Variants in SNTG1 observed in about 807,000 individuals in gnomAD.
The protein encoded by SNTG1 is syntrophin gamma 1, also known as gamma-1-syntrophin.
Under a neutral mutation model 74.7 loss-of-function variants are expected in SNTG1, and 39 were observed. The observed-to-expected ratio is 0.52, with a 90% CI of 0.40 to 0.68. The LOEUF is 0.68. Among genes scored for constraint, SNTG1 ranks in the 30% least tolerant of loss-of-function variants. The pLI, the probability that SNTG1 is intolerant of heterozygous loss-of-function variation, is 0.00. For missense variants in SNTG1, 685 were observed against 609.5 expected (o/e 1.12, Z -1.30); for synonymous variants, 254 against 217.1 (o/e 1.17, Z -1.49).
intron 1 of SNTG1, among the ~76,000 whole-genome samples, chr8:49,984,188 A>AT (rs778113143): frequency 2.2e-3 from 331 of 151,916 alleles, no homozygotes; most frequent in Non-Finnish European, 4.0e-3. Context: ...GTCAAATATA[A>AT]TTTTTTTATT....
intron 10 of SNTG1, among the ~76,000 whole-genome samples, chr8:50,535,491 C>A (rs573019613): frequency 6.6e-6 from 1 of 152,172 alleles, no homozygotes; most frequent in South Asian, 2.1e-4. Context: ...ACCAGAGAGG[C>A]ATTAAAAGCA....
intron 13 of SNTG1, among the ~76,000 whole-genome samples, chr8:50,649,534 G>A (rs569873403): frequency 6.6e-6 from 1 of 152,086 alleles, no homozygotes; most frequent in Non-Finnish European, 1.5e-5. Flanking sequence ...CACCAGCTGT[G>A]TTGGAGCTTT....
chr8:49,981,589 C>A (rs2082622051), intron 1 of SNTG1, among the ~76,000 whole-genome samples: 3 of 152,114 alleles, frequency 2.0e-5, no homozygotes, highest in Admixed American at 2.0e-4. Flanking sequence ...TGTCTGCCAC[C>A]AACTATGAAA....
chr8:50,414,329 C>A (rs753144927), intron 4 of SNTG1, among the ~76,000 whole-genome samples: 8 of 152,188 alleles, frequency 5.3e-5, no homozygotes, highest in Admixed American at 6.6e-5. Flanking sequence ...GGCCAATTCA[C>A]AAAATCTCAG....
chr8:50,754,684 A>G (rs975355224), intron 18 of SNTG1, among the ~76,000 whole-genome samples: 5 of 151,590 alleles, frequency 3.3e-5, no homozygotes, highest in Non-Finnish European at 1.5e-5. Context: ...CCCTTTTAAT[A>G]TTTGCCTATT....
At chr8:50,129,613 G>T (rs954751795) in intron 1 of SNTG1, among the ~76,000 whole-genome samples, 1 of 152,000 alleles carries the variant, frequency 6.6e-6, no homozygotes, top group East Asian at 1.9e-4. Flanking sequence ...TGGAGAAATG[G>T]CTCAGACTTG....
chr8:49,938,595 T>TTC (rs1269005625), intron 1 of SNTG1, among the ~76,000 whole-genome samples: 5 of 10,542 alleles, frequency 4.7e-4, no homozygotes, highest in African/African-American at 1.1e-3. Context: ...TTCTTTTCTT[T>TTC]TCTTTTCTTT....
At chr8:50,316,827 T>G (rs1473057789) in intron 2 of SNTG1, among the ~76,000 whole-genome samples, 1 of 152,202 alleles carries the variant, frequency 6.6e-6, no homozygotes, top group Non-Finnish European at 1.5e-5. Flanking sequence ...TCCCAAGCAC[T>G]GTGCTGAAAT....
At chr8:50,386,439 C>A (rs2092575208) in intron 2 of SNTG1, among the ~76,000 whole-genome samples, 1 of 97,664 alleles carries the variant, frequency 1.0e-5, no homozygotes, top group Non-Finnish European at 2.1e-5. Context: ...TTGGGGGAGG[C>A]TGGGAGCAAG....
intron 2 of SNTG1, among the ~76,000 whole-genome samples, chr8:50,300,908 C>T (rs1563865624): frequency 6.6e-6 from 1 of 152,142 alleles, no homozygotes; most frequent in Non-Finnish European, 1.5e-5. Flanking sequence ...TGCCTTCTGA[C>T]TTCATTTTAG....
At chr8:50,062,349 A>T (rs941134191) in intron 1 of SNTG1, among the ~76,000 whole-genome samples, 2 of 152,040 alleles carry the variant, frequency 1.3e-5, no homozygotes, top group African/African-American at 4.8e-5. Flanking sequence ...GCCAGACCAG[A>T]TGTTGGAATT....
chr8:50,392,454 A>C (rs1167163524), intron 2 of SNTG1, among the ~76,000 whole-genome samples: 2 of 152,184 alleles, frequency 1.3e-5, no homozygotes, highest in Admixed American at 1.3e-4. Context: ...ATGCCAGCTA[A>C]AATTGGCCTC....
chr8:50,119,776 AAT>A (rs2131349510), intron 1 of SNTG1, among the ~76,000 whole-genome samples: 1 of 141,744 alleles, frequency 7.1e-6, no homozygotes, highest in Admixed American at 7.3e-5. Flanking sequence ...GGCATAGGGA[AAT>A]TAAAGAAGTT....
At chr8:50,325,331 T>C (rs1171311060) in intron 2 of SNTG1, among the ~76,000 whole-genome samples, 1 of 151,918 alleles carries the variant, frequency 6.6e-6, no homozygotes, top group East Asian at 1.9e-4. Flanking sequence ...ATCTTGACAA[T>C]TGAGTCTATC....
chr8:49,998,400 G>T (rs1554543323), intron 1 of SNTG1, among the ~76,000 whole-genome samples: 1 of 151,868 alleles, frequency 6.6e-6, no homozygotes, highest in Non-Finnish European at 1.5e-5. Context: ...ATAAACCTTA[G>T]CCTGCTGTAA....
At chr8:50,422,254 A>G (rs200274172) in intron 4 of SNTG1, among the ~76,000 whole-genome samples, 2 of 3,318 alleles carry the variant, frequency 6.0e-4, no homozygotes, top group Non-Finnish European at 0.011. Flanking sequence ...CTATCTATCT[A>G]TCTATCTATC....
chr8:50,289,828 T>C (rs571641632), intron 2 of SNTG1, among the ~76,000 whole-genome samples: 102 of 152,294 alleles, frequency 6.7e-4, no homozygotes, highest in East Asian at 3.5e-3. Flanking sequence ...CAGGAAAAAC[T>C]GCAGAGTTGC....
chr8:50,067,776 T>G (rs1285678387), intron 1 of SNTG1, among the ~76,000 whole-genome samples: 1 of 152,088 alleles, frequency 6.6e-6, no homozygotes, highest in East Asian at 1.9e-4. Flanking sequence ...GATTCATGGA[T>G]TGCTTAGGGT....
chr8:50,197,671 A>G (rs1253394503), intron 2 of SNTG1, among the ~76,000 whole-genome samples: 2 of 152,178 alleles, frequency 1.3e-5, no homozygotes, highest in African/African-American at 4.8e-5. Flanking sequence ...GGCAAGCTAC[A>G]TATCACTAAA....
Sources: gnomAD v4.1 joint callset for allele counts (sites outside exome capture counted in the v4.1 genomes callset) on GRCh38, gnomAD v4.1.1 for gene constraint, MANE v1.5 for transcripts, NCBI Gene and HGNC (gene_info 2026-07-23, HGNC 2026-07-21) for gene names.